Variants in IST1 observed in about 807,000 individuals in gnomAD.
The protein encoded by IST1 is IST1 homolog.
Under a neutral mutation model 37.0 loss-of-function variants are expected in IST1, and 23 were observed. The ratio of observed to expected loss-of-function variants is 0.62; its 90% CI spans 0.45 to 0.88. IST1 has a LOEUF of 0.88. Among genes scored for constraint, IST1 ranks in the 40% least tolerant of loss-of-function variants. The pLI is 0.00. For missense variants in IST1, 488 were observed against 445.4 expected, an observed-to-expected ratio of 1.10 and a Z score of -0.86; for synonymous variants, 180 against 161.7, an observed-to-expected ratio of 1.11 and a Z score of -0.86.
intron 1 of IST1, among the ~76,000 whole-genome samples, chr16:71,908,167 C>T (rs1033365993): frequency 6.6e-6 from 1 of 151,802 alleles, no homozygotes; most frequent in African/African-American, 2.4e-5. Context: ...TGGTCTTGAA[C>T]TCCTGACCTC....
At position 71,901,219 on chromosome 16, in the gene IST1, T is replaced by A. The variant is rs548335537; in HGVS notation, c.-16+5630T>A. On this transcript the variant is annotated intron_variant, in intron 1 of 9. Coordinates refer to ENST00000378799, the MANE Select transcript of IST1 (RefSeq NM_001270975.2). ...TAATTAAGTCAGTCTTTTGGTTTTT[T>A]TTCTTTTTTTTTGAGACGGAATCTT... Among the ~76,000 whole-genome samples the A allele has an allele frequency of 8.3e-3, 1,265 of 152,288 alleles. 7 individuals carry two copies. The highest frequency in any genetic ancestry group is 0.015 in the Non-Finnish European group (1,017 of 68,028).
At chr16:71,923,838 C>T (rs987479714) in intron 8 of IST1, among the ~76,000 whole-genome samples, 1 of 152,190 alleles carries the variant, frequency 6.6e-6, no homozygotes, top group Non-Finnish European at 1.5e-5. Flanking sequence ...GCATTGATTT[C>T]ACATTTTAGT....
Position 71,927,928 on chromosome 16 carries a change from C to G in IST1, c.*115C>G. On this transcript the variant is annotated 3_prime_UTR_variant, in exon 10 of 10. Transcript: ENST00000378799. ...ATCTGTTAACCGTCACTCAGCACAA[C>G]ACTCCCTCTGGGCTCTCTTCCTGCT... is the stretch of plus-strand genomic sequence containing the variant. 1.3e-6 allele frequency: 1 copy of G among 746,896 alleles called. No homozygotes were observed. Among genetic ancestry groups the G allele is most frequent in the Non-Finnish European group, 2.3e-6 (1 of 435,178 alleles). The allele number at this position is 746,896 out of a possible 1,614,324, so 46.3% of individuals were successfully genotyped here. A position where few individuals can be genotyped will look rare whatever the true frequency, so the allele number is the denominator to read the frequency against.
At chr16:71,915,343 G>T (rs2037444334) in intron 1 of IST1, among the ~76,000 whole-genome samples, 1 of 152,092 alleles carries the variant, frequency 6.6e-6, no homozygotes, top group Non-Finnish European at 1.5e-5. Flanking sequence ...TTCAAATCCA[G>T]TTGCTGACAC....
At chr16:71,903,694 T>C (rs1482623281) in intron 1 of IST1, 1 of 152,246 alleles carries the variant, frequency 6.6e-6, no homozygotes, top group Non-Finnish European at 1.5e-5. Flanking sequence ...CTACCATGCC[T>C]GGTCCTATTT....
At chr16:71,904,449 G>T (rs561322320) in intron 1 of IST1, among the ~76,000 whole-genome samples, 1 of 152,184 alleles carries the variant, frequency 6.6e-6, no homozygotes, top group Admixed American at 6.5e-5. Context: ...ATCTTGCTCT[G>T]TTGCCCAGTC....
intron 1 of IST1, among the ~76,000 whole-genome samples, chr16:71,900,250 A>C (rs1292509357): frequency 6.6e-6 from 1 of 150,436 alleles, no homozygotes; most frequent in Non-Finnish European, 1.5e-5. Context: ...GTCTGTAGCC[A>C]GTCTTGACCT....
At chr16:71,898,964 CA>C (rs10711796) in intron 1 of IST1, among the ~76,000 whole-genome samples, 98,011 of 110,308 alleles carry the variant, frequency 0.89, 43,379 homozygotes, top group Middle Eastern at 0.96. Context: ...GCCTCTATCT[CA>C]AAAAAAAAAA....
intron 1 of IST1, among the ~76,000 whole-genome samples, chr16:71,908,318 T>TTG (rs1555509418): frequency 6.8e-6 from 1 of 148,146 alleles, no homozygotes; most frequent in Non-Finnish European, 1.5e-5. Flanking sequence ...TTTTTTTTTT[T>TTG]GGAGACAGTC....
At chr16:71,905,655 C>T (rs918526069) in intron 1 of IST1, among the ~76,000 whole-genome samples, 1 of 152,190 alleles carries the variant, frequency 6.6e-6, no homozygotes, top group East Asian at 1.9e-4. Context: ...GCTGGGATTA[C>T]AGGCGTGAGC....
At chr16:71,897,921 C>G (rs999556232) in intron 1 of IST1, among the ~76,000 whole-genome samples, 2 of 152,104 alleles carry the variant, frequency 1.3e-5, no homozygotes, top group African/African-American at 4.8e-5. Context: ...TGCACTCCAG[C>G]CTGGGCGACA....
intron 1 of IST1, among the ~76,000 whole-genome samples, chr16:71,906,736 T>C (rs1195177710): frequency 6.6e-6 from 1 of 152,226 alleles, no homozygotes; most frequent in African/African-American, 2.4e-5. Context: ...AGTTGACAGT[T>C]CTTTTTTTTC....
rs754844837 is a variant in IST1 at position 71,923,334 on chromosome 16, A to G, written c.806A>G (p.Asn269Ser). ...ATGGGGACTTATCAGGCCTTTCCCA[A>G]TATTCATCCACCTCAGATACCAGCA... ...LPMGTYQAFP[N>S]IHPPQIPATP... The change falls in exon 8 of 10, where the codon AAT becomes AGT. Residue 269 changes from asparagine to serine, a missense_variant. This residue lies in a region of IST1 where 455 missense variants were observed against 386.2 expected (regional missense o/e 1.18). Transcript: ENST00000378799. 1.1e-5 allele frequency: 18 copies of G among 1,612,888 alleles called. No individual in the cohort carries two copies. The Admixed American group carries it at 2.2e-4, about 19-fold the overall frequency.
intron 1 of IST1, among the ~76,000 whole-genome samples, chr16:71,912,907 G>A (rs534048818): frequency 1.3e-5 from 2 of 152,256 alleles, no homozygotes; most frequent in South Asian, 4.1e-4. Flanking sequence ...TTTCATCCAT[G>A]TTGTAGCATG....
chr16:71,915,835 T>C (rs1223962348), intron 2 of IST1, 107 bp downstream of exon 2: 2 of 654,094 alleles, frequency 3.1e-6, no homozygotes, highest in Non-Finnish European at 5.2e-6. Flanking sequence ...ATATTTTTTT[T>C]TGTTGTTTTT....
At position 71,929,432 on chromosome 16, in the gene IST1, A is replaced by AACTT. The variant is rs1218722764; in HGVS notation, c.*1622_*1625dup. ...TGGGACCAAGGGGATTTTGATTCCTAACTTACAGAATTAAAAACAAAGTAT... is the reference window on the plus strand; with the variant it reads ...TGGGACCAAGGGGATTTTGATTCCTAACTTACTTACAGAATTAAAAACAAAGTAT... On this transcript the variant is annotated 3_prime_UTR_variant, in exon 10 of 10. Coordinates refer to ENST00000378799, the MANE Select transcript of IST1 (RefSeq NM_001270975.2). 1.7e-6 allele frequency: 2 copies of AACTT among 1,176,902 alleles called. No individual in the cohort carries two copies. The highest frequency in any genetic ancestry group is 2.3e-6 in the Non-Finnish European group (2 of 865,302). The allele number at this position is 1,176,902 out of a possible 1,614,324, so 72.9% of individuals were successfully genotyped here. A position where few individuals can be genotyped will look rare whatever the true frequency, so the allele number is the denominator to read the frequency against.
At chr16:71,894,549 T>G, upstream of IST1, 2 of 281,770 alleles carry the variant, frequency 7.1e-6, no homozygotes, top group Non-Finnish European at 1.3e-5. Context: ...CCCGGCCCTT[T>G]TTCTTTTTTT....
upstream of IST1, chr16:71,894,542 G>A (rs2036926703): frequency 3.6e-6 from 1 of 277,268 alleles, no homozygotes; most frequent in Non-Finnish European, 6.9e-6. Flanking sequence ...CACCGCACCC[G>A]GCCCTTTTTC....
At chr16:71,916,919 T>G (rs780760672) in intron 3 of IST1, 128 bp from the exon 4 acceptor site, 4 of 646,070 alleles carry the variant, frequency 6.2e-6, no homozygotes, top group Non-Finnish European at 1.0e-5. Context: ...GCTAGAAGCC[T>G]AGAGTTATTG....
Sources: gnomAD v4.1 joint callset for allele counts (sites outside exome capture counted in the v4.1 genomes callset) on GRCh38, gnomAD v4.1.1 for gene constraint, gnomAD v4.1.1 regional missense constraint, MANE v1.5 for transcripts, NCBI Gene and HGNC (gene_info 2026-07-23, HGNC 2026-07-21) for gene names.